The following CTNNA3 variants were observed in gnomAD, a reference collection of about 807,000 sequenced individuals.
CTNNA3 encodes the protein catenin alpha 3, also known as catenin alpha-3.
A neutral mutation model predicts 95.7 loss-of-function variants in CTNNA3; 76 were observed. That is an observed-to-expected ratio of 0.79 (90% CI 0.66 to 0.96). The LOEUF (loss-of-function observed/expected upper bound fraction) is 0.96. Among genes scored for constraint, CTNNA3 ranks in the 40% least tolerant of loss-of-function variants. CTNNA3 has a pLI of 0.00. For missense variants in CTNNA3, 1,191 were observed against 1,089.8 expected (o/e 1.09, Z -1.31); for synonymous variants, 431 against 374.4 (o/e 1.15, Z -1.74).
chr10:67,603,630 A>G (rs532964743), intron 3 of CTNNA3, among the ~76,000 whole-genome samples: 1 of 152,168 alleles, frequency 6.6e-6, no homozygotes, highest in South Asian at 2.1e-4. Context: ...TAAAAATGTA[A>G]AAAAGAAAAA....
chr10:66,250,781 C>A (rs1383672829), intron 13 of CTNNA3, among the ~76,000 whole-genome samples: 1 of 152,160 alleles, frequency 6.6e-6, no homozygotes, highest in African/African-American at 2.4e-5. Flanking sequence ...ATTTATGCTT[C>A]TTCCTAGCTT....
At chr10:67,264,513 G>T (rs528751348) in intron 5 of CTNNA3, among the ~76,000 whole-genome samples, 59 of 152,232 alleles carry the variant, frequency 3.9e-4, no homozygotes, top group Non-Finnish European at 6.6e-4. Context: ...GGATAAACAT[G>T]ATTCACATTC....
Position 67,082,855 on chromosome 10 carries a change from A to G in CTNNA3, c.1047+97462T>C, listed in dbSNP as rs116131845. Among the ~76,000 whole-genome samples, 1,378 of 152,302 alleles carry G rather than the reference A, an allele frequency of 9.0e-3. 24 individuals carry two copies. Among genetic ancestry groups the G allele is most frequent in the African/African-American group, 0.032 (1,314 of 41,572 alleles). On this transcript the variant is annotated intron_variant, in intron 7 of 17. Transcript: ENST00000433211. The stretch of plus-strand genomic sequence containing the variant: ...AACTGGGTAGTCTGGGGGATGGACC[A>G]CAATATTATGAGTCAAGCAACTAAC...
intron 17 of CTNNA3, among the ~76,000 whole-genome samples, chr10:65,948,074 G>A (rs1250038166): frequency 6.6e-6 from 1 of 152,092 alleles, no homozygotes; most frequent in East Asian, 1.9e-4. Context: ...TCAGGAGATC[G>A]AGATCATCCT....
intron 11 of CTNNA3, among the ~76,000 whole-genome samples, chr10:66,471,558 C>A (rs9943339): frequency 2.6e-5 from 4 of 151,546 alleles, no homozygotes; most frequent in Non-Finnish European, 5.9e-5. Flanking sequence ...ACAATTTTCA[C>A]GCCAGTGAAT....
intron 5 of CTNNA3, among the ~76,000 whole-genome samples, chr10:67,378,040 A>C (rs1843762543): frequency 1.3e-5 from 2 of 152,042 alleles, no homozygotes; most frequent in African/African-American, 4.8e-5. Flanking sequence ...CCACAAAACA[A>C]GGCTTCTAGC....
Position 67,219,780 on chromosome 10 carries a change from C to G in CTNNA3, c.670G>C (p.Ala224Pro), listed in dbSNP as rs1396052717. The G allele has an allele frequency of 3.7e-6, 6 of 1,614,094 alleles. No homozygotes were observed. The Admixed American group carries it at 1.0e-4, about 27-fold the overall frequency. The stretch of plus-strand genomic sequence containing the variant: ...GCAACATCAGAATGCTCCAAACAAG[C>G]TGAACAAATTGAATGCAAGAGGGGA... ...NSPLLHSICS[A>P]CLEHSDVASL... Residue 224 changes from alanine to proline, a missense_variant, in exon 6 of 18, where the codon GCT becomes CCT. Physicochemically the swap from Ala to Pro is conservative, Grantham distance 27. Coordinates refer to ENST00000433211, the MANE Select transcript of CTNNA3 (RefSeq NM_013266.4).
chr10:67,722,306 A>T (rs1185993640), intron 1 of CTNNA3, among the ~76,000 whole-genome samples: 1 of 152,138 alleles, frequency 6.6e-6, no homozygotes, highest in Non-Finnish European at 1.5e-5. Flanking sequence ...AGGGGTTAGG[A>T]GAGGATTGTT....
intron 9 of CTNNA3, among the ~76,000 whole-genome samples, chr10:66,713,337 G>A (rs1295271722): frequency 6.6e-6 from 1 of 151,992 alleles, no homozygotes; most frequent in African/African-American, 2.4e-5. Context: ...TTCAGTTTTG[G>A]TTCCCAAAGT....
upstream of CTNNA3, among the ~76,000 whole-genome samples, chr10:67,696,583 A>G (rs2133598394): frequency 6.6e-6 from 1 of 152,266 alleles, no homozygotes; most frequent in Non-Finnish European, 1.5e-5. Context: ...TACCTGTCTC[A>G]TCCCTTGTAC....
At chr10:66,611,874 C>CT (rs1844341508) in intron 10 of CTNNA3, among the ~76,000 whole-genome samples, 1 of 151,988 alleles carries the variant, frequency 6.6e-6, no homozygotes, top group Admixed American at 6.6e-5. Context: ...TTATTTTGCT[C>CT]TTTAGCAATC....
intron 5 of CTNNA3, among the ~76,000 whole-genome samples, chr10:67,517,398 T>C (rs1361170703): frequency 6.6e-6 from 1 of 152,158 alleles, no homozygotes; most frequent in Non-Finnish European, 1.5e-5. Flanking sequence ...CTTATTTTTA[T>C]TTTTCTTCTG....
rs114479857 is a variant in CTNNA3 at position 67,254,500 on chromosome 10, T to C, written c.580-34630A>G. The stretch of plus-strand genomic sequence containing the variant: ...ATAGGATTGCTACTACAGATGGCAC[T>C]GGAACCTAGGTCTTTCTGATCTAAA... On this transcript the variant is annotated intron_variant, in intron 5 of 17. Transcript: ENST00000433211. Among the ~76,000 whole-genome samples the C allele has an allele frequency of 3.2e-3, 487 of 152,272 alleles. 1 individual carries two copies. The highest frequency in any genetic ancestry group is 0.011 in the African/African-American group (468 of 41,554).
At chr10:66,533,915 T>A (rs7902417) in intron 10 of CTNNA3, among the ~76,000 whole-genome samples, 9,670 of 151,886 alleles carry the variant, frequency 0.064, 485 homozygotes, top group East Asian at 0.23. Context: ...TACAAAAGAG[T>A]TAAAAAATTT....
chr10:66,009,264 T>C (rs1354477031), intron 15 of CTNNA3, among the ~76,000 whole-genome samples: 1 of 152,204 alleles, frequency 6.6e-6, no homozygotes, highest in Non-Finnish European at 1.5e-5. Context: ...CATCTTGTTC[T>C]GTTTGGGCTT....
intron 4 of CTNNA3, among the ~76,000 whole-genome samples, chr10:67,533,323 CAAA>C (rs34612488): frequency 8.9e-6 from 1 of 112,932 alleles, no homozygotes. Flanking sequence ...ATCTCTGTCT[CAAA>C]AAAAAAAAAA....
intron 7 of CTNNA3, among the ~76,000 whole-genome samples, chr10:67,101,525 A>C (rs115393043): frequency 0.018 from 2,667 of 151,868 alleles, 84 homozygotes; most frequent in East Asian, 0.12. Context: ...GCTAACTTGC[A>C]AATAATATAT....
At chr10:67,571,729 A>G (rs2133290484) in intron 3 of CTNNA3, among the ~76,000 whole-genome samples, 1 of 152,306 alleles carries the variant, frequency 6.6e-6, no homozygotes. Flanking sequence ...GAGAGGGCAG[A>G]GAAGAAGCTG....
chr10:67,164,431 T>G (rs1280543652), intron 7 of CTNNA3, among the ~76,000 whole-genome samples: 1 of 152,064 alleles, frequency 6.6e-6, no homozygotes, highest in African/African-American at 2.4e-5. Flanking sequence ...AGTCTCACAC[T>G]TCATAAAAAG....
Sources: gnomAD v4.1 joint callset for allele counts (sites outside exome capture counted in the v4.1 genomes callset) on GRCh38, gnomAD v4.1.1 for gene constraint, MANE v1.5 for transcripts, NCBI Gene and HGNC (gene_info 2026-07-23, HGNC 2026-07-21) for gene names.